GLI3: variants seen among roughly 807,000 people sequenced by gnomAD.
GLI3 encodes the protein GLI family zinc finger 3, also known as transcription activator GLI3.
Under a neutral mutation model 100.8 loss-of-function variants are expected in GLI3, and 20 were observed. That is an observed-to-expected ratio of 0.20 (90% CI 0.14 to 0.29). The LOEUF (loss-of-function observed/expected upper bound fraction) is 0.29. GLI3 is among the 10% of genes least tolerant of loss of function. The pLI is 1.00. For synonymous variants in GLI3, 938 were observed against 860.5 expected, an observed-to-expected ratio of 1.09 and a Z score of -1.58; for missense variants, 2,040 against 2,128.5, an observed-to-expected ratio of 0.96 and a Z score of 0.82.
At chr7:42,066,104 G>C (rs941471167) in intron 4 of GLI3, among the ~76,000 whole-genome samples, 2 of 152,152 alleles carry the variant, frequency 1.3e-5, no homozygotes, top group Non-Finnish European at 2.9e-5. Context: ...GCAGAAAAGC[G>C]TTGTCAGAGC....
At chr7:42,159,214 T>G (rs764144327) in intron 2 of GLI3, among the ~76,000 whole-genome samples, 31 of 152,352 alleles carry the variant, frequency 2.0e-4, no homozygotes, top group African/African-American at 7.2e-4. Flanking sequence ...GTATTTGGCT[T>G]GTGCTTAACT....
At chr7:42,201,531 G>C (rs1036258118) in intron 2 of GLI3, among the ~76,000 whole-genome samples, 1 of 152,168 alleles carries the variant, frequency 6.6e-6, no homozygotes, top group African/African-American at 2.4e-5. Context: ...AAGTCACTTT[G>C]GGGCTGTACT....
chr7:42,216,472 C>T (rs964650193), intron 2 of GLI3, among the ~76,000 whole-genome samples: 1 of 152,102 alleles, frequency 6.6e-6, no homozygotes, highest in African/African-American at 2.4e-5. Context: ...GAGTGAGCCC[C>T]CATGTGAATG....
intron 3 of GLI3, among the ~76,000 whole-genome samples, chr7:42,112,247 C>T (rs1300344669): frequency 2.0e-5 from 3 of 152,110 alleles, no homozygotes; most frequent in Non-Finnish European, 4.4e-5. Flanking sequence ...TTATTATAAG[C>T]AGGAAGCCAG....
chr7:42,000,501 C>T (rs1159626274), intron 10 of GLI3, among the ~76,000 whole-genome samples: 16 of 152,060 alleles, frequency 1.1e-4, no homozygotes, highest in African/African-American at 3.4e-4. Flanking sequence ...AGGAGGTCCA[C>T]GAACATTCTT....
At chr7:42,231,204 A>C (rs1788691011) in intron 1 of GLI3, among the ~76,000 whole-genome samples, 1 of 152,214 alleles carries the variant, frequency 6.6e-6, no homozygotes, top group Non-Finnish European at 1.5e-5. Context: ...TATTAGACCA[A>C]TAACCTGTTG....
chr7:42,113,551 T>A, intron 3 of GLI3: 1 of 1,182,394 alleles, frequency 8.5e-7, no homozygotes, highest in Non-Finnish European at 1.2e-6. Flanking sequence ...AGGAGGGGAA[T>A]AACCCTACAG....
chr7:42,046,649 GTA>G (rs934671829), intron 5 of GLI3, among the ~76,000 whole-genome samples: 1 of 152,144 alleles, frequency 6.6e-6, no homozygotes, highest in Non-Finnish European at 1.5e-5. Flanking sequence ...TTAACTCGTG[GTA>G]TGACTTTCCA....
intron 3 of GLI3, among the ~76,000 whole-genome samples, chr7:42,128,484 A>G (rs1429765375): frequency 6.6e-6 from 1 of 152,244 alleles, no homozygotes; most frequent in East Asian, 1.9e-4. Context: ...TGCCTCTTTA[A>G]TCTTTGTAAG....
At chr7:42,080,810 C>A (rs80274161) in intron 3 of GLI3, among the ~76,000 whole-genome samples, 2 of 152,222 alleles carry the variant, frequency 1.3e-5, no homozygotes, top group African/African-American at 4.8e-5. Flanking sequence ...TGTGGCTCAG[C>A]GGCATATTCC....
At position 41,964,673 on chromosome 7, in the gene GLI3, C is replaced by A. The variant is rs770007515; in HGVS notation, c.4400G>T (p.Cys1467Phe). Reference sequence around the variant, plus strand: ...TTTGGCGCTGGTCCCCTGTAGCAGGCAGCTGGCGTCTGAAATAGAGAATGA... The same window carrying A: ...TTTGGCGCTGGTCCCCTGTAGCAGGAAGCTGGCGTCTGAAATAGAGAATGA... Reference protein sequence around the residue: ...AGSFSISDASCLLQGTSAKNS... With the variant: ...AGSFSISDASFLLQGTSAKNS... The change falls in exon 15 of 15, where the codon TGC becomes TTC. Residue 1467 changes from cysteine to phenylalanine, a missense_variant. By Grantham distance (205) the Cys-to-Phe change is radical. Transcript: ENST00000395925. 1.2e-6 allele frequency: 2 copies of A among 1,614,100 alleles called. No homozygotes were observed. Among genetic ancestry groups the A allele is most frequent in the South Asian group, 2.2e-5 (2 of 91,084 alleles).
At chr7:42,176,503 C>T (rs1165725253) in intron 2 of GLI3, among the ~76,000 whole-genome samples, 2 of 152,230 alleles carry the variant, frequency 1.3e-5, no homozygotes, top group Non-Finnish European at 2.9e-5. Context: ...TGAATTCATG[C>T]AAACAGATGC....
chr7:42,187,615 C>T lies in GLI3; in HGVS notation c.124+35515G>A, dbSNP rs1457129569. Among the ~76,000 whole-genome samples, 8 of 152,212 alleles carry T rather than the reference C, an allele frequency of 5.3e-5. No homozygotes were observed. In the South Asian group the frequency reaches 1.7e-3, roughly 32 times the overall value. ...TCCACCAAGGACCTCAGAATGCGACCTTATATGGAAACAGCATCTTTGCAG... is the reference window on the plus strand; with the variant it reads ...TCCACCAAGGACCTCAGAATGCGACTTTATATGGAAACAGCATCTTTGCAG... On this transcript the variant is annotated intron_variant, in intron 2 of 14. Transcript: ENST00000395925.
chr7:42,128,187 T>A (rs958797992), intron 3 of GLI3, among the ~76,000 whole-genome samples: 3 of 152,152 alleles, frequency 2.0e-5, no homozygotes, highest in Non-Finnish European at 4.4e-5. Context: ...CAGTCTGTAA[T>A]AAGGGAGCAC....
chr7:42,206,010 G>C (rs1268877608), intron 2 of GLI3, among the ~76,000 whole-genome samples: 1 of 152,312 alleles, frequency 6.6e-6, no homozygotes, highest in African/African-American at 2.4e-5. Context: ...GCTCATGCCT[G>C]TAATCCCAGC....
At chr7:41,986,846 C>G (rs190534919) in intron 10 of GLI3, among the ~76,000 whole-genome samples, 1 of 145,362 alleles carries the variant, frequency 6.9e-6, no homozygotes, top group African/African-American at 2.7e-5. Context: ...AAAGATATTA[C>G]CCCCCACCCC....
intron 2 of GLI3, among the ~76,000 whole-genome samples, chr7:42,177,089 C>T (rs76722873): frequency 0.082 from 12,404 of 152,134 alleles, 584 homozygotes; most frequent in African/African-American, 0.12. Context: ...TAGGTGCTGA[C>T]GCTCCAGTGA....
At chr7:42,135,754 C>G (rs1322906345) in intron 3 of GLI3, among the ~76,000 whole-genome samples, 3 of 152,162 alleles carry the variant, frequency 2.0e-5, no homozygotes, top group Non-Finnish European at 4.4e-5. Flanking sequence ...CTTCATCATG[C>G]TTAAGATTCT....
intron 3 of GLI3, among the ~76,000 whole-genome samples, chr7:42,084,549 A>G (rs1785062612): frequency 6.6e-6 from 1 of 152,252 alleles, no homozygotes; most frequent in Admixed American, 6.5e-5. Flanking sequence ...GTGATTCCAC[A>G]TATATGCATC....
Sources: gnomAD v4.1 joint callset for allele counts (sites outside exome capture counted in the v4.1 genomes callset) on GRCh38, gnomAD v4.1.1 for gene constraint, MANE v1.5 for transcripts, NCBI Gene and HGNC (gene_info 2026-07-23, HGNC 2026-07-21) for gene names.